HEPHL1: variants seen among roughly 807,000 people sequenced by gnomAD.
HEPHL1 encodes the protein ferroxidase HEPHL1.
Under a neutral mutation model 122.0 loss-of-function variants are expected in HEPHL1, and 123 were observed. The observed-to-expected ratio is 1.01, with a 90% CI of 0.87 to 1.17. HEPHL1 has a LOEUF of 1.17. Among genes scored for constraint, HEPHL1 ranks in the 50% most tolerant of loss-of-function variants. HEPHL1 has a pLI of 0.00. For synonymous variants in HEPHL1, 527 were observed against 508.9 expected (o/e 1.04, Z -0.48); for missense variants, 1,452 against 1,430.5 (o/e 1.01, Z -0.24).
intron 10 of HEPHL1, among the ~76,000 whole-genome samples, chr11:94,085,567 C>T (rs1565358193): frequency 6.6e-6 from 1 of 152,158 alleles, no homozygotes; most frequent in Non-Finnish European, 1.5e-5. Flanking sequence ...GCAAAGCCCA[C>T]TGGCAAATGA....
At chr11:94,043,191 G>A (rs762648807) in intron 1 of HEPHL1, among the ~76,000 whole-genome samples, 3 of 152,106 alleles carry the variant, frequency 2.0e-5, no homozygotes, top group Admixed American at 6.5e-5. Context: ...ATAGTCTTAC[G>A]ATGATGAAAA....
chr11:94,087,076 A>C (rs1946224695), intron 11 of HEPHL1, among the ~76,000 whole-genome samples: 1 of 152,144 alleles, frequency 6.6e-6, no homozygotes, highest in Admixed American at 6.6e-5. Flanking sequence ...TTGCCTAAGG[A>C]CTGCCTGAGA....
intron 12 of HEPHL1, 58 bp from the exon 13 acceptor site, chr11:94,093,443 G>C: frequency 6.3e-7 from 1 of 1,598,336 alleles, no homozygotes; most frequent in Middle Eastern, 1.7e-4. Flanking sequence ...TCACTTAGAA[G>C]CGCTCAAAGC....
At chr11:94,100,018 C>G (rs1307011164) in intron 13 of HEPHL1, among the ~76,000 whole-genome samples, 1 of 152,012 alleles carries the variant, frequency 6.6e-6, no homozygotes, top group African/African-American at 2.4e-5. Context: ...CACCCACTGT[C>G]CTGCCCCCAC....
At position 94,073,037 on chromosome 11, in the gene HEPHL1, C is replaced by G. The variant is rs1019546573; in HGVS notation, c.1245C>G (p.Leu415=). 2 of 1,612,660 alleles carry G rather than the reference C, an allele frequency of 1.2e-6. No homozygotes were observed. Among genetic ancestry groups the G allele is most frequent in the East Asian group, 2.2e-5 (1 of 44,868 alleles). ...PLNASGSDSD[L]YFTQGDNRIG... The stretch of plus-strand genomic sequence containing the variant: ...TATGTCTTTTCAGTGACTCTGATCT[C>G]TACTTCACACAAGGGGACAACAGAA... The change falls in exon 7 of 20, where the codon CTC becomes CTG. Residue 415 remains leucine (L), a synonymous_variant. Coordinates refer to ENST00000315765, the MANE Select transcript of HEPHL1 (RefSeq NM_001098672.2).
At chr11:94,047,029 G>A (rs1387055428) in intron 2 of HEPHL1, among the ~76,000 whole-genome samples, 1 of 152,150 alleles carries the variant, frequency 6.6e-6, no homozygotes. Flanking sequence ...TATAAGCAGC[G>A]AGAGGAGAGA....
chr11:94,024,142 A>G (rs1039802785), intron 1 of HEPHL1, among the ~76,000 whole-genome samples: 2 of 152,180 alleles, frequency 1.3e-5, no homozygotes, highest in African/African-American at 4.8e-5. Flanking sequence ...GGATATTCAC[A>G]CTTGGGCAAA....
At position 94,064,640 on chromosome 11, in the gene HEPHL1, A is replaced by G. The variant is rs111662870; in HGVS notation, c.808+130A>G. 3.3e-3 allele frequency: 2,119 copies of G among 641,914 alleles called. 37 individuals carry two copies. The African/African-American group carries it at 0.035, about 11-fold the overall frequency. The allele number at this position is 641,914 out of a possible 1,614,324, so 39.8% of individuals were successfully genotyped here. A position where few individuals can be genotyped will look rare whatever the true frequency, so the allele number is the denominator to read the frequency against. Reference sequence around the variant, plus strand: ...TTATAACTCAGGGATGACCATGGTTAGAAAGTGATACAATACATGACACAT... The same window carrying G: ...TTATAACTCAGGGATGACCATGGTTGGAAAGTGATACAATACATGACACAT... On this transcript the variant is annotated intron_variant, in intron 4 of 19. Coordinates refer to ENST00000315765, the MANE Select transcript of HEPHL1 (RefSeq NM_001098672.2).
rs371219505 is a variant in HEPHL1 at position 94,070,372 on chromosome 11, A to T, written c.1064-2A>T. ...AGCTCGTGGTTTTCCTCTGTTCTGCAGCTGGTATGCTGGGGCAATACAATG... is the reference window on the plus strand; with the variant it reads ...AGCTCGTGGTTTTCCTCTGTTCTGCTGCTGGTATGCTGGGGCAATACAATG... On this transcript the variant is annotated splice_acceptor_variant, in intron 5 of 19. Coordinates refer to ENST00000315765, the MANE Select transcript of HEPHL1 (RefSeq NM_001098672.2). LOFTEE classifies it high-confidence loss of function. 3 of 1,586,714 alleles carry T rather than the reference A, an allele frequency of 1.9e-6. No individual in the cohort carries two copies. The highest frequency in any genetic ancestry group is 2.6e-6 in the Non-Finnish European group (3 of 1,165,056).
Position 94,045,734 on chromosome 11 carries a change from GT to G in HEPHL1, c.235del (p.Tyr79ThrfsTer11), listed in dbSNP as rs769933661. 5.6e-6 allele frequency: 9 copies of G among 1,613,426 alleles called. No individual in the cohort carries two copies. Among genetic ancestry groups the G allele is most frequent in the Non-Finnish European group, 6.8e-6 (8 of 1,179,696 alleles). On this transcript the variant is annotated frameshift_variant, in exon 2 of 20. Transcript: ENST00000315765. LOFTEE classifies it high-confidence loss of function. The part of the protein sequence containing the change: ...NRIGSIYKKA[V>X]YRRFTDGTYS... ...GATAGGCAGTATTTACAAAAAGGCT[GT>G]TTACAGACGCTTCACGGATGGAACC...
chr11:94,102,210 C>G (rs925118323), intron 14 of HEPHL1, among the ~76,000 whole-genome samples: 1 of 152,162 alleles, frequency 6.6e-6, no homozygotes, highest in African/African-American at 2.4e-5. Flanking sequence ...TAACTGCCTT[C>G]AAAATGAAGC....
intron 4 of HEPHL1, among the ~76,000 whole-genome samples, chr11:94,066,869 G>A (rs1427026248): frequency 1.3e-5 from 2 of 152,074 alleles, no homozygotes; most frequent in Admixed American, 6.6e-5. Flanking sequence ...ATTCGGTCCT[G>A]GATTTACGCC....
chr11:94,104,434 G>C, intron 15 of HEPHL1, 94 bp from the exon 16 acceptor site: 1 of 815,288 alleles, frequency 1.2e-6, no homozygotes, highest in South Asian at 1.7e-5. Flanking sequence ...CCAGGGTGAG[G>C]TATTATGACC....
intron 11 of HEPHL1, among the ~76,000 whole-genome samples, chr11:94,088,361 G>C (rs1946234855): frequency 6.6e-6 from 1 of 152,110 alleles, no homozygotes; most frequent in Non-Finnish European, 1.5e-5. Flanking sequence ...GGCTTAATTT[G>C]AACCTTGTCT....
intron 2 of HEPHL1, among the ~76,000 whole-genome samples, chr11:94,048,443 T>G (rs566511609): frequency 6.6e-6 from 1 of 152,250 alleles, no homozygotes; most frequent in Non-Finnish European, 1.5e-5. Context: ...CATTGCAGCC[T>G]TGAACTCCTG....
rs367875492 is a variant in HEPHL1 at position 94,082,124 on chromosome 11, G to A, written c.1717-294G>A. ...CAGGGCTGGCAGGTCAGGGTAAGGAGAAAAAGTCCTTGAGGACCAGCCTGG... is the reference window on the plus strand; with the variant it reads ...CAGGGCTGGCAGGTCAGGGTAAGGAAAAAAAGTCCTTGAGGACCAGCCTGG... On this transcript the variant is annotated intron_variant, in intron 9 of 19. Transcript: ENST00000315765. Among the ~76,000 whole-genome samples the A allele has an allele frequency of 3.9e-5, 6 of 152,306 alleles. No individual in the cohort carries two copies. In the East Asian group the frequency reaches 9.7e-4, roughly 25 times the overall value.
rs761214253 is a variant in HEPHL1 at position 94,075,376 on chromosome 11, T to TG, written c.1710dup (p.Thr571AspfsTer17). On this transcript the variant is annotated frameshift_variant, in exon 9 of 20. Coordinates refer to ENST00000315765, the MANE Select transcript of HEPHL1 (RefSeq NM_001098672.2). LOFTEE classifies it high-confidence loss of function. Reference sequence around the variant, plus strand: ...GTAAAAAGGGCGTCCTCAATGCTGATGGGACACAGGTAGGCCATTGAGTGT... The same window carrying TG: ...GTAAAAAGGGCGTCCTCAATGCTGATGGGGACACAGGTAGGCCATTGAGTGT... The TG allele has an allele frequency of 6.2e-7, 1 of 1,612,080 alleles. No individual in the cohort carries two copies. Among genetic ancestry groups the TG allele is most frequent in the Non-Finnish European group, 8.5e-7 (1 of 1,179,152 alleles).
chr11:94,068,302 C>T (rs1204932295), intron 5 of HEPHL1, among the ~76,000 whole-genome samples: 1 of 152,164 alleles, frequency 6.6e-6, no homozygotes, highest in African/African-American at 2.4e-5. Context: ...ACCAATCCCC[C>T]CTCGAATTAT....
At chr11:94,091,837 G>T (rs1946265467) in intron 12 of HEPHL1, among the ~76,000 whole-genome samples, 1 of 152,142 alleles carries the variant, frequency 6.6e-6, no homozygotes, top group Non-Finnish European at 1.5e-5. Context: ...CTGTGTAAAG[G>T]CCTGGAGGTG....
Sources: gnomAD v4.1 joint callset for allele counts (sites outside exome capture counted in the v4.1 genomes callset) on GRCh38, gnomAD v4.1.1 for gene constraint, MANE v1.5 for transcripts, NCBI Gene and HGNC (gene_info 2026-07-23, HGNC 2026-07-21) for gene names.